AFG2A: variants seen among roughly 807,000 people sequenced by gnomAD.
AFG2A encodes the protein ATPase family gene 2 protein homolog A.
At chr4:123,227,568 C>G in the AFG2A span, among the ~76,000 whole-genome samples, 4 of 152,294 alleles carry the variant, frequency 2.6e-5, no homozygotes, top group African/African-American at 9.6e-5. Flanking sequence ...GCACTGTGGT[C>G]TGAGAGACAG....
At chr4:123,192,159 T>TGG in the AFG2A span, among the ~76,000 whole-genome samples, 1 of 152,042 alleles carries the variant, frequency 6.6e-6, no homozygotes, top group Non-Finnish European at 1.5e-5. Flanking sequence ...CCTGAGTAGC[T>TGG]GGGACTACAG....
chr4:122,944,321 T>G, the AFG2A span, among the ~76,000 whole-genome samples: 137,591 of 151,552 alleles, frequency 0.91, 62,693 homozygotes, highest in East Asian at 0.96. Context: ...ATTTCTTGGA[T>G]GCTTTGTTTG....
At chr4:123,225,044 T>G in the AFG2A span, among the ~76,000 whole-genome samples, 1 of 152,340 alleles carries the variant, frequency 6.6e-6, no homozygotes, top group South Asian at 2.1e-4. Flanking sequence ...CTTCACCCAC[T>G]TGTTGATGGA....
At chr4:123,287,957 G>T in the AFG2A span, among the ~76,000 whole-genome samples, 18 of 152,134 alleles carry the variant, frequency 1.2e-4, no homozygotes, top group Admixed American at 1.3e-4. Context: ...CTCCGAACAC[G>T]AGTGTTCTTT....
chr4:123,249,984 T>C, the AFG2A span, among the ~76,000 whole-genome samples: 2 of 152,188 alleles, frequency 1.3e-5, no homozygotes, highest in South Asian at 4.1e-4. Flanking sequence ...TTCATTGATA[T>C]GTTTTTATTA....
the AFG2A span, among the ~76,000 whole-genome samples, chr4:123,012,560 GAAT>G: frequency 6.6e-6 from 1 of 152,200 alleles, no homozygotes; most frequent in Admixed American, 6.5e-5. Context: ...AAATGTGGGT[GAAT>G]AATCAGGCAG....
chr4:123,264,543 G>A, the AFG2A span, among the ~76,000 whole-genome samples: 1 of 152,060 alleles, frequency 6.6e-6, no homozygotes, highest in East Asian at 1.9e-4. Context: ...CTGTTTAGTG[G>A]CTAAAATATG....
At chr4:123,085,486 A>G in the AFG2A span, among the ~76,000 whole-genome samples, 1,502 of 152,258 alleles carry the variant, frequency 9.9e-3, 14 homozygotes, top group Non-Finnish European at 0.016. Context: ...GCATGCTTGA[A>G]GTCTACTGTG....
the AFG2A span, among the ~76,000 whole-genome samples, chr4:123,082,106 T>G: frequency 1.3e-5 from 2 of 152,300 alleles, no homozygotes; most frequent in East Asian, 3.9e-4. Flanking sequence ...GATGTCGTCT[T>G]TTACAGAGCA....
At chr4:123,251,817 T>G in the AFG2A span, among the ~76,000 whole-genome samples, 2 of 152,132 alleles carry the variant, frequency 1.3e-5, no homozygotes, top group Admixed American at 1.3e-4. Flanking sequence ...TGCAAAGAAT[T>G]AAAACACTCA....
chr4:123,046,741 T>A, the AFG2A span, among the ~76,000 whole-genome samples: 4,702 of 152,290 alleles, frequency 0.031, 147 homozygotes, highest in East Asian at 0.15. Context: ...TACTTACTCC[T>A]TCTAACTGTG....
the AFG2A span, among the ~76,000 whole-genome samples, chr4:122,943,536 C>T: frequency 4.6e-3 from 701 of 151,844 alleles, no homozygotes; most frequent in Non-Finnish European, 8.3e-3. Flanking sequence ...TGTCTCTGCA[C>T]GTGAGATGGG....
At chr4:122,966,121 T>A in the AFG2A span, among the ~76,000 whole-genome samples, 1 of 152,162 alleles carries the variant, frequency 6.6e-6, no homozygotes, top group African/African-American at 2.4e-5. Context: ...TTCATACAAA[T>A]TCTGTTTTTC....
At chr4:123,136,392 G>A in the AFG2A span, among the ~76,000 whole-genome samples, 2 of 152,028 alleles carry the variant, frequency 1.3e-5, no homozygotes, top group African/African-American at 4.8e-5. Context: ...AATTAGGCCA[G>A]GTGCGGTGGC....
At chr4:123,264,755 G>C in the AFG2A span, among the ~76,000 whole-genome samples, 1 of 152,098 alleles carries the variant, frequency 6.6e-6, no homozygotes, top group Admixed American at 6.5e-5. Context: ...AACAATATGA[G>C]TTTAGCCAAA....
the AFG2A span, among the ~76,000 whole-genome samples, chr4:123,008,202 A>T: frequency 6.6e-6 from 1 of 152,024 alleles, no homozygotes; most frequent in Non-Finnish European, 1.5e-5. Flanking sequence ...GGTGAAGGGG[A>T]GCTTACATGT....
the AFG2A span, among the ~76,000 whole-genome samples, chr4:123,137,537 G>A: frequency 6.6e-6 from 1 of 151,996 alleles, no homozygotes; most frequent in Non-Finnish European, 1.5e-5. Flanking sequence ...TTCTTTTGCT[G>A]GTGATCACGT....
the AFG2A span, among the ~76,000 whole-genome samples, chr4:123,211,238 T>G: frequency 6.6e-6 from 1 of 152,188 alleles, no homozygotes; most frequent in Non-Finnish European, 1.5e-5. Context: ...AAAAGTTTGT[T>G]TGCATTTTCA....
the AFG2A span, among the ~76,000 whole-genome samples, chr4:123,158,964 A>T: frequency 6.6e-6 from 1 of 152,312 alleles, no homozygotes; most frequent in Non-Finnish European, 1.5e-5. Context: ...ACCACAGAGG[A>T]TATGTGGTAA....
Sources: gnomAD v4.1 joint callset for allele counts (sites outside exome capture counted in the v4.1 genomes callset) on GRCh38, gnomAD v4.1.1 for gene constraint, MANE v1.5 for transcripts, NCBI Gene and HGNC (gene_info 2026-07-23, HGNC 2026-07-21) for gene names.